ACSM1: variants seen among roughly 807,000 people sequenced by gnomAD.
ACSM1 encodes the protein acyl-coenzyme A synthetase ACSM1, mitochondrial.
ACSM1 carries 79 observed loss-of-function variants against 75.8 expected under a neutral mutation model. That is an observed-to-expected ratio of 1.04 (90% CI 0.87 to 1.26). The LOEUF is 1.26. Among genes scored for constraint, ACSM1 ranks in the 50% most tolerant of loss-of-function variants. The pLI is 0.00. For synonymous variants in ACSM1, 279 were observed against 265.8 expected (o/e 1.05, Z -0.48); for missense variants, 676 against 720.1 (o/e 0.94, Z 0.70).
chr16:20,646,030 G>A (rs1448654878), intron 7 of ACSM1, among the ~76,000 whole-genome samples: 1 of 152,054 alleles, frequency 6.6e-6, no homozygotes, highest in Non-Finnish European at 1.5e-5. Flanking sequence ...TAGGCCTGGA[G>A]CAAAACTTAG....
At chr16:20,635,566 T>A (rs170924) in intron 10 of ACSM1, among the ~76,000 whole-genome samples, 1 of 149,844 alleles carries the variant, frequency 6.7e-6, no homozygotes. Context: ...TGTTACCCCA[T>A]GTTTAATTTT....
At chr16:20,651,077 T>C (rs1241356608) in intron 7 of ACSM1, among the ~76,000 whole-genome samples, 1 of 152,220 alleles carries the variant, frequency 6.6e-6, no homozygotes, top group Non-Finnish European at 1.5e-5. Flanking sequence ...TTATGTTCAA[T>C]TGGCAGTTGA....
At chr16:20,684,853 T>TTGTG (rs529798511) in intron 3 of ACSM1, among the ~76,000 whole-genome samples, 1 of 151,278 alleles carries the variant, frequency 6.6e-6, no homozygotes, top group Non-Finnish European at 1.5e-5. Context: ...GTATGTGTGT[T>TTGTG]TGTGTGTGTG....
intron 11 of ACSM1, 53 bp downstream of exon 11, chr16:20,627,136 T>C: frequency 6.8e-7 from 1 of 1,475,938 alleles, no homozygotes. Context: ...TAAGCAAAAT[T>C]CCGTGAGGCA....
At chr16:20,674,094 C>A (rs1163648550) in intron 4 of ACSM1, 2 of 450,988 alleles carry the variant, frequency 4.4e-6, no homozygotes, top group Non-Finnish European at 4.5e-6. Flanking sequence ...GAATGGCATT[C>A]TTCTACCTGT....
At chr16:20,658,874 A>T (rs75370437) in intron 7 of ACSM1, among the ~76,000 whole-genome samples, 7,862 of 152,280 alleles carry the variant, frequency 0.052, 291 homozygotes, top group East Asian at 0.15. Flanking sequence ...GATTTATCAG[A>T]GGGTTGAAAT....
intron 4 of ACSM1, chr16:20,681,388 G>A (rs1164147984): frequency 6.6e-6 from 1 of 152,206 alleles, no homozygotes; most frequent in Non-Finnish European, 1.5e-5. Flanking sequence ...GAATGCACAA[G>A]TTGGCCCATG....
intron 11 of ACSM1, 151 bp from the exon 12 acceptor site, chr16:20,625,673 A>C: frequency 7.7e-6 from 5 of 645,496 alleles, no homozygotes; most frequent in Non-Finnish European, 1.3e-5. Context: ...ATGGGCCCAA[A>C]GTGTAAAGAC....
At chr16:20,671,222 A>T (rs397132) in intron 5 of ACSM1, among the ~76,000 whole-genome samples, 73,228 of 151,878 alleles carry the variant, frequency 0.48, 20,072 homozygotes, top group East Asian at 0.85. Context: ...TGTGTGTGGC[A>T]TCTGGAATGT....
Position 20,647,074 on chromosome 16 carries a change from A to G in ACSM1, c.993-6490T>C, listed in dbSNP as rs548751438. Among the ~76,000 whole-genome samples, 48 of 152,358 alleles carry G rather than the reference A, an allele frequency of 3.2e-4. 1 individual carries two copies. The South Asian group carries it at 9.3e-3, about 30-fold the overall frequency. On this transcript the variant is annotated intron_variant, in intron 7 of 13. Coordinates refer to ENST00000520010, the MANE Select transcript of ACSM1 (RefSeq NM_001318890.3). ...ATTTCCTTTCCCTCTGCCTTCTGTT[A>G]GAAGGTGCCTGTTTCTCATTATCAG...
intron 7 of ACSM1, among the ~76,000 whole-genome samples, chr16:20,647,943 C>T (rs893114345): frequency 6.6e-6 from 1 of 152,170 alleles, no homozygotes. Flanking sequence ...ATGCACCTGC[C>T]CTTTTGACCT....
intron 8 of ACSM1, 59 bp from the exon 9 acceptor site, chr16:20,637,510 A>G: frequency 1.4e-6 from 2 of 1,390,216 alleles, no homozygotes; most frequent in East Asian, 2.3e-5. Flanking sequence ...ATCACAAAGC[A>G]GTCAGAATCA....
intron 7 of ACSM1, among the ~76,000 whole-genome samples, chr16:20,654,533 ACAACT>A (rs2018839072): frequency 6.6e-6 from 1 of 152,086 alleles, no homozygotes; most frequent in Admixed American, 6.6e-5. Flanking sequence ...GAATCTACAA[ACAACT>A]CAAACAAATT....
intron 2 of ACSM1, among the ~76,000 whole-genome samples, chr16:20,690,131 T>C (rs968452877): frequency 3.9e-5 from 6 of 152,224 alleles, no homozygotes; most frequent in African/African-American, 1.4e-4. Flanking sequence ...GAAGATGCCA[T>C]AAAGGCATGT....
Position 20,685,102 on chromosome 16 carries a change from T to C in ACSM1, c.403+91A>G. On this transcript the variant is annotated intron_variant, in intron 3 of 13. Coordinates refer to ENST00000520010, the MANE Select transcript of ACSM1 (RefSeq NM_001318890.3). ...GGCGAAGGCTTCAAAGCTGTGTCAG[T>C]GCCAGGCTGGGTGCACAGCACCTAA... 3 of 1,389,188 alleles carry C rather than the reference T, an allele frequency of 2.2e-6. 1 individual carries two copies. The South Asian group carries it at 3.5e-5, about 16-fold the overall frequency. 86.1% of individuals were successfully genotyped at this position (1,389,188 alleles called of 1,614,324 possible).
rs1200901571 is a variant in ACSM1 at position 20,672,869 on chromosome 16, A to G, written c.612-1198T>C. ...ATATAATATATGTAATATATAATAT[A>G]TAAATATAAATATATATAATATATA... On this transcript the variant is annotated intron_variant, in intron 4 of 13. Coordinates refer to ENST00000520010, the MANE Select transcript of ACSM1 (RefSeq NM_001318890.3). Among the ~76,000 whole-genome samples the G allele has an allele frequency of 1.0e-4, 13 of 130,518 alleles. No individual in the cohort carries two copies. In the Admixed American group the frequency reaches 1.1e-3, roughly 11 times the overall value. The allele number at this position is 130,518 out of a possible 152,430, so 85.6% of individuals were successfully genotyped here.
chr16:20,682,235 T>C (rs2079460635), intron 4 of ACSM1, 21 bp downstream of exon 4: 1 of 1,609,050 alleles, frequency 6.2e-7, no homozygotes, highest in Non-Finnish European at 8.5e-7. Context: ...AGAGATTATA[T>C]TCATCAGACC....
At chr16:20,644,153 A>G (rs2018228490) in intron 7 of ACSM1, among the ~76,000 whole-genome samples, 2 of 152,244 alleles carry the variant, frequency 1.3e-5, no homozygotes, top group Non-Finnish European at 2.9e-5. Context: ...GACCACTGAC[A>G]GCCAGCAGCC....
intron 2 of ACSM1, among the ~76,000 whole-genome samples, chr16:20,685,915 G>A: frequency 6.7e-6 from 1 of 150,152 alleles, no homozygotes; most frequent in African/African-American, 2.4e-5. Flanking sequence ...TAGCCACCCT[G>A]CCTCAAGCCA....
Sources: gnomAD v4.1 joint callset for allele counts (sites outside exome capture counted in the v4.1 genomes callset) on GRCh38, gnomAD v4.1.1 for gene constraint, MANE v1.5 for transcripts, NCBI Gene and HGNC (gene_info 2026-07-23, HGNC 2026-07-21) for gene names.